LIPG: variants seen among roughly 807,000 people sequenced by gnomAD.
The protein encoded by LIPG is endothelial lipase.
In LIPG, 34 loss-of-function variants were observed where a neutral mutation model predicts 51.8. The ratio of observed to expected loss-of-function variants is 0.66; its 90% CI spans 0.50 to 0.87. The LOEUF (loss-of-function observed/expected upper bound fraction) is 0.87, where lower values mean the gene tolerates loss of function less well. Ranked by LOEUF, LIPG falls within the 40% of genes least tolerant of loss-of-function variation. The pLI, the probability that LIPG is intolerant of heterozygous loss-of-function variation, is 0.00. For missense variants in LIPG, 580 were observed against 652.7 expected (o/e 0.89, Z 1.21); for synonymous variants, 246 against 246.1 (o/e 1.00, Z 0.00).
chr18:49,565,229 A>T (rs2084589930), intron 1 of LIPG, 88 bp from the exon 2 acceptor site: 1 of 1,372,856 alleles, frequency 7.3e-7, no homozygotes, highest in South Asian at 1.2e-5. Context: ...GCTTAAGCAA[A>T]TTGCTCACGA....
intron 8 of LIPG, among the ~76,000 whole-genome samples, chr18:49,584,545 A>T (rs1324479721): frequency 6.6e-6 from 1 of 152,200 alleles, no homozygotes; most frequent in Non-Finnish European, 1.5e-5. Context: ...CAGCCTTGGC[A>T]TGGGAGGAGG....
intron 5 of LIPG, among the ~76,000 whole-genome samples, chr18:49,578,075 C>A (rs1327390863): frequency 7.1e-6 from 1 of 141,610 alleles, no homozygotes; most frequent in East Asian, 2.1e-4. Flanking sequence ...GGGGGGCTGG[C>A]CCCCCACCTC....
chr18:49,583,459 G>C, intron 7 of LIPG, 97 bp from the exon 8 acceptor site: 4 of 947,204 alleles, frequency 4.2e-6, no homozygotes, highest in Non-Finnish European at 6.9e-6. Context: ...TCTCTCTCCT[G>C]TCTGTGTGGG....
chr18:49,570,167 G>A (rs1361725506), intron 4 of LIPG, among the ~76,000 whole-genome samples: 1 of 152,224 alleles, frequency 6.6e-6, no homozygotes, highest in Non-Finnish European at 1.5e-5. Context: ...TTTGGAAAGG[G>A]TGGTTCAACT....
In LIPG at chr18:49,596,559, C is replaced by T. The variant is rs1015193492; in HGVS notation, c.*6037C>T. ...CTGAGGTAGGAAAATCACTTGAACC[C>T]AGAAGGCAGAAGTTGCAGTGAGCCT... On this transcript the variant is annotated 3_prime_UTR_variant, in exon 10 of 10. Coordinates refer to ENST00000261292, the MANE Select transcript of LIPG (RefSeq NM_006033.4). 7.0e-6 allele frequency: 1 copy of T among 142,016 alleles called. No individual in the cohort carries two copies. Among genetic ancestry groups the T allele is most frequent in the Non-Finnish European group, 1.5e-5 (1 of 67,010 alleles). 8.8% of individuals were successfully genotyped at this position (142,016 alleles called of 1,614,324 possible). A position where few individuals can be genotyped will look rare whatever the true frequency, so the allele number is the denominator to read the frequency against.
chr18:49,581,944 C>G (rs1387350188), intron 6 of LIPG: 2 of 591,668 alleles, frequency 3.4e-6, no homozygotes, highest in Non-Finnish European at 6.0e-6. Context: ...TTTGTTTTCT[C>G]ATTTGATCAT....
upstream of LIPG, chr18:49,561,676 C>T (rs1337722927): frequency 9.7e-6 from 12 of 1,242,458 alleles, no homozygotes; most frequent in Admixed American, 4.6e-4. Flanking sequence ...GGCTTTGAGC[C>T]TTGGAGAGGA....
intron 9 of LIPG, chr18:49,590,260 A>G (rs911226703): frequency 3.3e-6 from 2 of 612,828 alleles, no homozygotes; most frequent in African/African-American, 1.8e-5. Context: ...TACTCAACTC[A>G]GGGTCCAGAG....
At chr18:49,585,670 A>T (rs2084873037) in intron 8 of LIPG, among the ~76,000 whole-genome samples, 1 of 152,232 alleles carries the variant, frequency 6.6e-6, no homozygotes, top group Middle Eastern at 3.2e-3. Context: ...GCTGTTTCTC[A>T]GCATGTGTTC....
chr18:49,581,332 TGAG>T (rs2084816358), intron 5 of LIPG, 80 bp from the exon 6 acceptor site: 2 of 1,535,564 alleles, frequency 1.3e-6, no homozygotes, highest in Admixed American at 1.7e-5. Flanking sequence ...CTATCACTGT[TGAG>T]GAGTACAGTA....
Position 49,567,494 on chromosome 18 carries a change from C to T in LIPG, c.332C>T (p.Thr111Ile), listed in dbSNP as rs2000813. The change falls in exon 3 of 10, where the codon ACA (threonine) becomes ATA (isoleucine). Residue 111 changes from threonine (T) to isoleucine (I), a missense_variant. Physicochemically the swap from Thr to Ile is moderately conservative, Grantham distance 89 (BLOSUM62 -1). Transcript: ENST00000261292. ...CACAAACTCGTGTCAGCCCTGCACA[C>T]AAGAGAGAAAGACGCCAATGTAGTT... is the stretch of plus-strand genomic sequence containing the variant. ...WLHKLVSALH[T>I]REKDANVVVV... 456,489 of 1,613,700 alleles carry T rather than the reference C, an allele frequency of 0.28. 67,329 individuals are homozygous for T. Among genetic ancestry groups the T allele is most frequent in the Middle Eastern group, 0.36 (2,193 of 6,062 alleles).
At chr18:49,577,026 AT>A (rs1221324643) in intron 5 of LIPG, among the ~76,000 whole-genome samples, 42 of 148,782 alleles carry the variant, frequency 2.8e-4, no homozygotes, top group East Asian at 3.9e-4. Context: ...TTATTTATTT[AT>A]TTTTTTTTTA....
Position 49,592,992 on chromosome 18 carries a change from G to T in LIPG, c.*2470G>T, listed in dbSNP as rs1366449871. ...CTGTCACCCAGGCTGGAGTGCAGTG[G>T]CAATCTTGGCTCACTACAACCTCTG... On this transcript the variant is annotated 3_prime_UTR_variant, in exon 10 of 10. Transcript: ENST00000261292. 1 of 146,290 alleles carries T rather than the reference G, an allele frequency of 6.8e-6. No individual in the cohort carries two copies. The highest frequency in any genetic ancestry group is 2.6e-5 in the African/African-American group (1 of 39,064). 9.1% of individuals were successfully genotyped at this position (146,290 alleles called of 1,614,324 possible).
chr18:49,566,987 G>C (rs554804836), intron 2 of LIPG, among the ~76,000 whole-genome samples: 6 of 152,196 alleles, frequency 3.9e-5, no homozygotes, highest in Non-Finnish European at 8.8e-5. Flanking sequence ...TGCCTGTGCT[G>C]GTCCTGCTCA....
chr18:49,577,976 C>T (rs1239459765), intron 5 of LIPG, among the ~76,000 whole-genome samples: 4,343 of 126,574 alleles, frequency 0.034, 20 homozygotes, highest in African/African-American at 0.09. Context: ...AGGGGGCTGA[C>T]CCCCCCACCT....
upstream of LIPG, chr18:49,561,708 G>A (rs2084551175): frequency 8.0e-7 from 1 of 1,243,802 alleles, no homozygotes; most frequent in Non-Finnish European, 1.0e-6. Flanking sequence ...TCCAGGGATC[G>A]CCTCCCCAGC....
chr18:49,569,614 G>A, intron 4 of LIPG, 66 bp downstream of exon 4: 1 of 1,254,558 alleles, frequency 8.0e-7, no homozygotes, highest in South Asian at 1.2e-5. Context: ...TCCCAAATGA[G>A]GCAGCAGAGT....
At chr18:49,570,020 C>T (rs1288832753) in intron 4 of LIPG, among the ~76,000 whole-genome samples, 1 of 152,218 alleles carries the variant, frequency 6.6e-6, no homozygotes, top group Non-Finnish European at 1.5e-5. Flanking sequence ...GTGTTCCCTT[C>T]AGGTCTCCAC....
At position 49,569,548 on chromosome 18, in the gene LIPG, G is replaced by C; in HGVS notation, c.571G>C (p.Gly191Arg). The C allele has an allele frequency of 6.2e-7, 1 of 1,612,384 alleles. No individual in the cohort carries two copies. Among genetic ancestry groups the C allele is most frequent in the Non-Finnish European group, 8.5e-7 (1 of 1,178,776 alleles). The change falls in exon 4 of 10, where the codon GGT becomes CGT. Residue 191 changes from glycine to arginine, a missense_variant and splice_region_variant. Transcript: ENST00000261292. Reference sequence around the variant, plus strand: ...GAAAGGAACGGTGGGCCGAATCACAGGTGAGCTCCACTTCCATCACTAAAG... The same window carrying C: ...GAAAGGAACGGTGGGCCGAATCACACGTGAGCTCCACTTCCATCACTAAAG... ...FVKGTVGRITGLDPAGPMFEG... is the reference protein window; with the variant it reads ...FVKGTVGRITRLDPAGPMFEG...
Sources: allele counts gnomAD v4.1 joint callset (sites outside exome capture counted in the v4.1 genomes callset), GRCh38; gene constraint gnomAD v4.1.1; transcripts MANE v1.5; gene names NCBI Gene and HGNC (gene_info 2026-07-23, HGNC 2026-07-21).